Variants in DGKB observed in about 807,000 individuals in gnomAD.
DGKB encodes 90 kDa diacylglycerol kinase.
In DGKB, 67 loss-of-function variants were observed where a neutral mutation model predicts 114.3. That is an observed-to-expected ratio of 0.59 (90% confidence interval 0.48 to 0.72). The LOEUF (loss-of-function observed/expected upper bound fraction) is 0.72, where lower values mean the gene tolerates loss of function less well. DGKB is among the 30% of genes least tolerant of loss of function. The pLI is 0.00. For missense variants in DGKB, 907 were observed against 975.2 expected, an observed-to-expected ratio of 0.93 and a Z score of 0.93; for synonymous variants, 398 against 323.1, an observed-to-expected ratio of 1.23 and a Z score of -2.49.
chr7:14,761,943 G>A (rs1835759805), intron 2 of DGKB, among the ~76,000 whole-genome samples: 1 of 152,142 alleles, frequency 6.6e-6, no homozygotes, highest in Non-Finnish European at 1.5e-5. Context: ...CAAAGGAGGG[G>A]TATGACTTGG....
At chr7:14,690,676 G>A (rs1689775230) in intron 9 of DGKB, among the ~76,000 whole-genome samples, 1 of 152,304 alleles carries the variant, frequency 6.6e-6, no homozygotes, top group East Asian at 1.9e-4. Flanking sequence ...AGCAGTTAAG[G>A]CGGAGACCTT....
intron 3 of DGKB, among the ~76,000 whole-genome samples, chr7:14,755,959 C>T (rs1335634861): frequency 6.6e-6 from 1 of 151,910 alleles, no homozygotes; most frequent in East Asian, 1.9e-4. Flanking sequence ...AAATGTATTA[C>T]ATTGTTGAAA....
At chr7:14,508,276 C>T (rs1467127500) in intron 20 of DGKB, among the ~76,000 whole-genome samples, 1 of 152,122 alleles carries the variant, frequency 6.6e-6, no homozygotes, top group Non-Finnish European at 1.5e-5. Flanking sequence ...CCTCTTCTGC[C>T]TGCTTGATCA....
At chr7:14,199,483 GAT>G (rs1452931647) in intron 23 of DGKB, among the ~76,000 whole-genome samples, 1 of 152,076 alleles carries the variant, frequency 6.6e-6, no homozygotes, top group African/African-American at 2.4e-5. Flanking sequence ...ATCAAAGTAA[GAT>G]AGAGTAACTA....
At chr7:14,357,810 A>T (rs1814878198) in intron 21 of DGKB, among the ~76,000 whole-genome samples, 1 of 152,142 alleles carries the variant, frequency 6.6e-6, no homozygotes, top group Non-Finnish European at 1.5e-5. Context: ...AAAATCTCTC[A>T]GCATTTGCTT....
intron 14 of DGKB, among the ~76,000 whole-genome samples, chr7:14,627,091 T>TA (rs1281996706): frequency 1.3e-5 from 2 of 152,306 alleles, no homozygotes; most frequent in South Asian, 2.1e-4. Flanking sequence ...AAAGTATAGA[T>TA]AAAAAATTTT....
intron 23 of DGKB, among the ~76,000 whole-genome samples, chr7:14,282,490 G>A (rs1367981090): frequency 6.6e-6 from 1 of 151,804 alleles, no homozygotes; most frequent in African/African-American, 2.4e-5. Flanking sequence ...GAAAAAGAGG[G>A]AATCCTCCCT....
chr7:14,908,673 C>T (rs1783832440), intron 1 of DGKB, among the ~76,000 whole-genome samples: 1 of 152,020 alleles, frequency 6.6e-6, no homozygotes. Context: ...TTATATGTGA[C>T]TTAACCTTAG....
chr7:14,251,624 G>A (rs1165063196), intron 23 of DGKB, among the ~76,000 whole-genome samples: 2 of 151,894 alleles, frequency 1.3e-5, no homozygotes, highest in Admixed American at 6.6e-5. Context: ...ATGCTTTTAT[G>A]TTAATTAGCC....
chr7:14,425,046 C>T (rs765689167), intron 21 of DGKB, among the ~76,000 whole-genome samples: 5 of 151,982 alleles, frequency 3.3e-5, no homozygotes, highest in Non-Finnish European at 7.4e-5. Context: ...GAAAAGTGCA[C>T]ATATGATATA....
At chr7:14,874,832 T>G (rs920554344) in intron 1 of DGKB, among the ~76,000 whole-genome samples, 5 of 152,270 alleles carry the variant, frequency 3.3e-5, no homozygotes, top group South Asian at 4.1e-4. Context: ...TATAAAGTTT[T>G]AGATCACATA....
chr7:14,208,542 T>A (rs6948615), intron 23 of DGKB, among the ~76,000 whole-genome samples: 8,857 of 151,828 alleles, frequency 0.058, 507 homozygotes, highest in African/African-American at 0.14. Context: ...TCTTTATACA[T>A]CTTCTTCCCT....
At chr7:14,402,245 T>C (rs1823241198) in intron 21 of DGKB, among the ~76,000 whole-genome samples, 1 of 151,888 alleles carries the variant, frequency 6.6e-6, no homozygotes, top group African/African-American at 2.4e-5. Context: ...ACAGCTTAGC[T>C]ATTTCTGTAA....
chr7:14,286,466 A>C (rs1009153980), intron 23 of DGKB, among the ~76,000 whole-genome samples: 1 of 152,162 alleles, frequency 6.6e-6, no homozygotes, highest in African/African-American at 2.4e-5. Context: ...CAAGATTTGG[A>C]ATTGGATGTT....
intron 20 of DGKB, among the ~76,000 whole-genome samples, chr7:14,536,128 G>A (rs1410176788): frequency 1.3e-5 from 2 of 152,058 alleles, no homozygotes; most frequent in Admixed American, 6.6e-5. Context: ...TTTAAAGATC[G>A]GTAATGAATA....
In DGKB at chr7:14,175,579, C is replaced by T. The variant is rs559622619; in HGVS notation, c.2304+1260G>A. Among the ~76,000 whole-genome samples the T allele has an allele frequency of 4.6e-5, 7 of 152,264 alleles. No homozygotes were observed. The East Asian group carries it at 1.4e-3, about 29-fold the overall frequency. On this transcript the variant is annotated intron_variant, in intron 25 of 25. Coordinates refer to ENST00000402815, the MANE Select transcript of DGKB (RefSeq NM_001350709.2). ...CTAGGATAGACCAATCTCTCAGTTG[C>T]TGCTCAATACAATCAATCCTCCACA...
chr7:14,964,594 G>A (rs1343987971), intron 1 of DGKB, among the ~76,000 whole-genome samples: 1 of 152,162 alleles, frequency 6.6e-6, no homozygotes, highest in African/African-American at 2.4e-5. Flanking sequence ...CAATGATCTT[G>A]CAGGTTATGC....
intron 21 of DGKB, among the ~76,000 whole-genome samples, chr7:14,395,542 C>T (rs138679258): frequency 8.9e-4 from 135 of 151,752 alleles, no homozygotes; most frequent in African/African-American, 2.9e-3. Flanking sequence ...TGTTCAAACA[C>T]CATATAGTGA....
intron 9 of DGKB, among the ~76,000 whole-genome samples, chr7:14,689,789 G>C: frequency 6.6e-6 from 1 of 152,124 alleles, no homozygotes; most frequent in East Asian, 1.9e-4. Flanking sequence ...TTTAAAAATC[G>C]ATGTGCTGAA....
Sources: gnomAD v4.1 joint callset for allele counts (sites outside exome capture counted in the v4.1 genomes callset) on GRCh38, gnomAD v4.1.1 for gene constraint, MANE v1.5 for transcripts, NCBI Gene and HGNC (gene_info 2026-07-23, HGNC 2026-07-21) for gene names.